The following BICRA variants were observed in gnomAD, a reference collection of about 807,000 sequenced individuals.
BICRA encodes the protein BRD4 interacting chromatin remodeling complex associated protein.
In BICRA, 31 loss-of-function variants were observed where a neutral mutation model predicts 96.9. The ratio of observed to expected loss-of-function variants is 0.32; its 90% CI spans 0.24 to 0.43. The LOEUF (loss-of-function observed/expected upper bound fraction) is 0.43. BICRA is among the 20% of genes least tolerant of loss of function. The probability of loss-of-function intolerance (pLI) is 1.00; values close to 1 mark genes in which losing one functional copy is unlikely to be tolerated. For synonymous variants in BICRA, 1,350 were observed against 1,071.8 expected, an observed-to-expected ratio of 1.26 and a Z score of -5.07; for missense variants, 2,283 against 2,190.3, an observed-to-expected ratio of 1.04 and a Z score of -0.84.
chr19:47,620,297 G>A (rs1568546878), intron 1 of BICRA, among the ~76,000 whole-genome samples: 1 of 152,082 alleles, frequency 6.6e-6, no homozygotes, highest in African/African-American at 2.4e-5. Context: ...TGGATGGGTG[G>A]ATGACAGGCA....
Position 47,694,607 on chromosome 19 carries a change from C to T in BICRA, c.2776C>T (p.Leu926Phe), listed in dbSNP as rs1163080508. 1 of 1,568,362 alleles carries T rather than the reference C, an allele frequency of 6.4e-7. No individual in the cohort carries two copies. The highest frequency in any genetic ancestry group is 8.8e-7 in the Non-Finnish European group (1 of 1,139,604). Residue 926 changes from leucine (L) to phenylalanine (F), a missense_variant, in exon 8 of 15, where the codon CTC (leucine) becomes TTC (phenylalanine). Coordinates refer to ENST00000594866, the MANE Select transcript of BICRA (RefSeq NM_001394372.1). ...CAAGTCCCCCACTCCCCCTCCAACC[C>T]TCCACCTGGTCCCTGAGCCGGCAGC... ...PHKSPTPPPT[L>F]HLVPEPAAPP...
chr19:47,651,186 G>A (rs779612639), intron 1 of BICRA, among the ~76,000 whole-genome samples: 1 of 151,990 alleles, frequency 6.6e-6, no homozygotes, highest in Non-Finnish European at 1.5e-5. Flanking sequence ...CCCAAGTCAG[G>A]TCATGTCCCT....
Position 47,659,726 on chromosome 19 carries a change from A to ACACG in BICRA, c.-107-10714_-107-10713insGCAC, listed in dbSNP as rs1555787527. The stretch of plus-strand genomic sequence containing the variant: ...CACACACACACACACACACACACAC[A>ACACG]CACACACGTTCTCTTCTCTTCTCTC... On this transcript the variant is annotated intron_variant, in intron 1 of 14. Coordinates refer to ENST00000594866, the MANE Select transcript of BICRA (RefSeq NM_001394372.1). 5.8e-3 allele frequency among the ~76,000 whole-genome samples: 823 copies of ACACG among 141,268 alleles called. 11 individuals are homozygous for ACACG. The highest frequency in any genetic ancestry group is 0.019 in the African/African-American group (716 of 37,084). 92.7% of individuals were successfully genotyped at this position (141,268 alleles called of 152,430 possible). A position where few individuals can be genotyped will look rare whatever the true frequency, so the allele number is the denominator to read the frequency against.
intron 1 of BICRA, among the ~76,000 whole-genome samples, chr19:47,669,958 A>AT (rs1411977254): frequency 1.7e-5 from 2 of 119,564 alleles, no homozygotes; most frequent in African/African-American, 6.5e-5. Flanking sequence ...GCCCGGACAG[A>AT]TTTTTTTATT....
Position 47,694,933 on chromosome 19 carries a change from G to T in BICRA, c.2929G>T (p.Gly977Trp), listed in dbSNP as rs779284186. The change falls in exon 9 of 15, where the codon GGG (glycine) becomes TGG (tryptophan). Residue 977 changes from glycine to tryptophan, a missense_variant. Physicochemically the swap from Gly to Trp is radical, Grantham distance 184 (BLOSUM62 -2). Transcript: ENST00000594866. ...PSGIILQNKAGGAPAAPQTST... is the reference protein window; with the variant it reads ...PSGIILQNKAWGAPAAPQTST... ...CGGAATCATCCTCCAGAACAAGGCT[G>T]GGGGGGCCCCTGCCGCCCCGCAGAC... 2 of 1,524,878 alleles carry T rather than the reference G, an allele frequency of 1.3e-6. No individual in the cohort carries two copies. Among genetic ancestry groups the T allele is most frequent in the East Asian group, 2.3e-5 (1 of 43,744 alleles). The allele number at this position is 1,524,878 out of a possible 1,614,324, so 94.5% of individuals were successfully genotyped here. A position where few individuals can be genotyped will look rare whatever the true frequency, so the allele number is the denominator to read the frequency against.
chr19:47,664,147 T>C (rs1304412297), intron 1 of BICRA, among the ~76,000 whole-genome samples: 1 of 152,212 alleles, frequency 6.6e-6, no homozygotes, highest in East Asian at 1.9e-4. Context: ...GCAAATGATA[T>C]CGTTCTGGAG....
intron 1 of BICRA, among the ~76,000 whole-genome samples, chr19:47,633,495 T>G (rs2340998): frequency 0.88 from 133,767 of 152,070 alleles, 58,994 homozygotes; most frequent in African/African-American, 0.91. Flanking sequence ...GAGCCACCTT[T>G]CCTGGCCAGT....
At chr19:47,657,310 G>T (rs576677116) in intron 1 of BICRA, among the ~76,000 whole-genome samples, 1 of 152,110 alleles carries the variant, frequency 6.6e-6, no homozygotes, top group Admixed American at 6.6e-5. Flanking sequence ...GTATTCTGTC[G>T]TGTGGATGTA....
chr19:47,653,732 C>T (rs566390114), intron 1 of BICRA, among the ~76,000 whole-genome samples: 6 of 152,308 alleles, frequency 3.9e-5, no homozygotes, highest in Middle Eastern at 3.4e-3. Context: ...GATATGGATA[C>T]ACCACATCTG....
At chr19:47,669,788 C>CT (rs1972835917) in intron 1 of BICRA, among the ~76,000 whole-genome samples, 2 of 151,886 alleles carry the variant, frequency 1.3e-5, no homozygotes, top group Admixed American at 1.3e-4. Flanking sequence ...TCCCGAGTAG[C>CT]TGGGACTACA....
chr19:47,610,404 G>T (rs547251339), intron 1 of BICRA, among the ~76,000 whole-genome samples: 1 of 152,338 alleles, frequency 6.6e-6, no homozygotes, highest in East Asian at 1.9e-4. Context: ...TGATTGGGAG[G>T]CACTGCGGCT....
intron 1 of BICRA, among the ~76,000 whole-genome samples, chr19:47,647,118 T>C (rs2123543087): frequency 6.6e-6 from 1 of 152,324 alleles, no homozygotes; most frequent in South Asian, 2.1e-4. Context: ...TGTGTCAGTG[T>C]CTCATCCCTT....
At chr19:47,678,804 G>A (rs1003547456) in intron 5 of BICRA, among the ~76,000 whole-genome samples, 1 of 151,966 alleles carries the variant, frequency 6.6e-6, no homozygotes, top group African/African-American at 2.4e-5. Context: ...CACGCCCTAG[G>A]TTACACAGCT....
At chr19:47,647,413 G>A (rs114159351) in intron 1 of BICRA, among the ~76,000 whole-genome samples, 133 of 152,206 alleles carry the variant, frequency 8.7e-4, no homozygotes, top group African/African-American at 3.1e-3. Flanking sequence ...ATGCATGAGG[G>A]CTCTGATTTC....
intron 7 of BICRA, among the ~76,000 whole-genome samples, chr19:47,692,033 T>C (rs183209338): frequency 6.6e-6 from 1 of 152,284 alleles, no homozygotes; most frequent in East Asian, 1.9e-4. Context: ...AATGTTGTAT[T>C]ATTCTCCTAT....
chr19:47,679,168 T>C, intron 5 of BICRA, 153 bp from the exon 6 acceptor site: 1 of 480,008 alleles, frequency 2.1e-6, no homozygotes, highest in Non-Finnish European at 3.6e-6. Context: ...CCCAAAGTGC[T>C]GAGATTACAA....
intron 7 of BICRA, among the ~76,000 whole-genome samples, chr19:47,686,776 T>G (rs377187645): frequency 1.1e-3 from 170 of 152,226 alleles, no homozygotes; most frequent in African/African-American, 3.8e-3. Context: ...TTTTTATTTT[T>G]GGGGGTTTTT....
chr19:47,635,413 A>G (rs561667973), intron 1 of BICRA, among the ~76,000 whole-genome samples: 14 of 151,498 alleles, frequency 9.2e-5, no homozygotes, highest in Non-Finnish European at 1.9e-4. Flanking sequence ...ACATGTGGCT[A>G]ATTTTTTTTT....
At chr19:47,616,790 C>T (rs1971991331) in intron 1 of BICRA, among the ~76,000 whole-genome samples, 1 of 151,890 alleles carries the variant, frequency 6.6e-6, no homozygotes, top group African/African-American at 2.4e-5. Context: ...CAGGAATGCT[C>T]AGTGAAGCTT....
Sources: allele counts gnomAD v4.1 joint callset (sites outside exome capture counted in the v4.1 genomes callset), GRCh38; gene constraint gnomAD v4.1.1; transcripts MANE v1.5; gene names NCBI Gene and HGNC (gene_info 2026-07-23, HGNC 2026-07-21).